PAFAH1B1: variants seen among roughly 807,000 people sequenced by gnomAD.
PAFAH1B1 encodes the protein platelet-activating factor acetylhydrolase IB subunit beta.
PAFAH1B1 carries 2 observed loss-of-function variants against 57.5 expected under a neutral mutation model. That is an observed-to-expected ratio of 0.03 (90% CI 0.01 to 0.11). The LOEUF (loss-of-function observed/expected upper bound fraction) is 0.11, where lower values mean the gene tolerates loss of function less well. Among genes scored for constraint, PAFAH1B1 ranks in the 10% least tolerant of loss-of-function variants. The probability of loss-of-function intolerance (pLI) is 1.00; values close to 1 mark genes in which losing one functional copy is unlikely to be tolerated. For missense variants in PAFAH1B1, 257 were observed against 512.0 expected (o/e 0.50, Z 4.81); for synonymous variants, 152 against 169.6 (o/e 0.90, Z 0.81).
At chr17:2,667,267 G>C in intron 5 of PAFAH1B1, 69 bp downstream of exon 5, 1 of 1,197,678 alleles carries the variant, frequency 8.3e-7, no homozygotes, top group Non-Finnish European at 1.2e-6. Context: ...CCGGGAGGCG[G>C]AGTTTGCAGT....
Position 2,665,354 on chromosome 17 carries a change from T to C in PAFAH1B1, c.33-18T>C. The C allele has an allele frequency of 4.1e-6, 6 of 1,464,734 alleles. No individual in the cohort carries two copies. In the South Asian group the frequency reaches 6.8e-5, roughly 17 times the overall value. The allele number at this position is 1,464,734 out of a possible 1,614,324, so 90.7% of individuals were successfully genotyped here. A position where few individuals can be genotyped will look rare whatever the true frequency, so the allele number is the denominator to read the frequency against. On this transcript the variant is annotated intron_variant, in intron 2 of 10. Coordinates refer to ENST00000397195, the MANE Select transcript of PAFAH1B1 (RefSeq NM_000430.4). Reference sequence around the variant, plus strand: ...AATGAGGTCTTTTTTTTAGGAGTCATTTGAATTTTTCTTTCAGAAATCGAG... The same window carrying C: ...AATGAGGTCTTTTTTTTAGGAGTCACTTGAATTTTTCTTTCAGAAATCGAG...
At chr17:2,600,162 T>G (rs1350364526) in intron 1 of PAFAH1B1, among the ~76,000 whole-genome samples, 1 of 151,896 alleles carries the variant, frequency 6.6e-6, no homozygotes, top group Non-Finnish European at 1.5e-5. Flanking sequence ...GTATTTTTAC[T>G]AAAGAACTCC....
intron 2 of PAFAH1B1, chr17:2,661,942 T>C (rs2069019992): frequency 6.7e-6 from 1 of 150,166 alleles, no homozygotes; most frequent in Non-Finnish European, 1.5e-5. Context: ...TCCCAGCTAC[T>C]CAGGAGGCTG....
chr17:2,671,643 C>A (rs2069185428), intron 6 of PAFAH1B1, among the ~76,000 whole-genome samples: 1 of 139,816 alleles, frequency 7.2e-6, no homozygotes, highest in South Asian at 2.4e-4. Context: ...TGCTTTGTCA[C>A]CCAAGCTGGA....
In PAFAH1B1 at chr17:2,670,291, A is replaced by T. The variant is rs767021387; in HGVS notation, c.528A>T (p.Leu176=). 6.2e-7 allele frequency: 1 copy of T among 1,614,164 alleles called. No individual in the cohort carries two copies. The highest frequency in any genetic ancestry group is 1.1e-5 in the South Asian group (1 of 91,088). Residue 176 remains leucine, a synonymous_variant, in exon 6 of 11, where the codon CTA becomes CTT. Transcript: ENST00000397195. ...ASCSADMTIK[L]WDFQGFECIR... is the part of the protein sequence containing the mutation. ...GTTCTGCAGATATGACCATTAAACTATGGGATTTTCAGGGCTTTGAATGCA... is the reference window on the plus strand; with the variant it reads ...GTTCTGCAGATATGACCATTAAACTTTGGGATTTTCAGGGCTTTGAATGCA...
intron 1 of PAFAH1B1, among the ~76,000 whole-genome samples, chr17:2,636,333 A>G (rs2068624649): frequency 6.6e-6 from 1 of 152,198 alleles, no homozygotes; most frequent in Non-Finnish European, 1.5e-5. Flanking sequence ...TAAGGATTAT[A>G]AAATAAATTC....
At position 2,666,101 on chromosome 17, in the gene PAFAH1B1, C is replaced by G. The variant is rs1284349075; in HGVS notation, c.192+11C>G. 3 of 1,479,380 alleles carry G rather than the reference C, an allele frequency of 2.0e-6. No individual in the cohort carries two copies. The highest frequency in any genetic ancestry group is 1.8e-6 in the Non-Finnish European group (2 of 1,082,086). The allele number at this position is 1,479,380 out of a possible 1,614,324, so 91.6% of individuals were successfully genotyped here. On this transcript the variant is annotated intron_variant, in intron 4 of 10. Coordinates refer to ENST00000397195, the MANE Select transcript of PAFAH1B1 (RefSeq NM_000430.4). ...AGATTACAAAAGAAGGTAACTAAGTCTTTTTTCTTTAAAATTAGTTGTATT... is the reference window on the plus strand; with the variant it reads ...AGATTACAAAAGAAGGTAACTAAGTGTTTTTTCTTTAAAATTAGTTGTATT...
At chr17:2,676,860 T>G (rs2069276302) in intron 9 of PAFAH1B1, among the ~76,000 whole-genome samples, 1 of 152,184 alleles carries the variant, frequency 6.6e-6, no homozygotes, top group Non-Finnish European at 1.5e-5. Context: ...CACTGTATCT[T>G]TAAAAATTGT....
intron 1 of PAFAH1B1, among the ~76,000 whole-genome samples, chr17:2,607,518 T>C (rs559007070): frequency 6.6e-6 from 1 of 150,808 alleles, no homozygotes; most frequent in South Asian, 2.1e-4. Flanking sequence ...GGAGTCCCGC[T>C]CTATCACCCA....
chr17:2,607,290 C>A, intron 1 of PAFAH1B1, among the ~76,000 whole-genome samples: 1 of 152,088 alleles, frequency 6.6e-6, no homozygotes. Context: ...TCCCCTCCCT[C>A]AGCCTCCTGA....
intron 2 of PAFAH1B1, among the ~76,000 whole-genome samples, chr17:2,645,316 G>C (rs1021658785): frequency 6.6e-6 from 1 of 152,028 alleles, no homozygotes; most frequent in Non-Finnish European, 1.5e-5. Context: ...GTAAATCTGG[G>C]GCCGGGTGCA....
rs140983206 is a variant in PAFAH1B1 at position 2,598,105 on chromosome 17, C to T, written c.-191+4099C>T. ...CTACTAAAAATACAAAAAAATTAGC[C>T]GGGCATGGTGGCGCACACCTGTAGT... On this transcript the variant is annotated intron_variant, in intron 1 of 10. Coordinates refer to ENST00000397195, the MANE Select transcript of PAFAH1B1 (RefSeq NM_000430.4). Among the ~76,000 whole-genome samples the T allele has an allele frequency of 6.4e-3, 969 of 151,938 alleles. 14 individuals are homozygous for T. Among genetic ancestry groups the T allele is most frequent in the African/African-American group, 0.022 (931 of 41,420 alleles).
At chr17:2,635,305 G>A (rs186287010) in intron 1 of PAFAH1B1, 2 of 152,202 alleles carry the variant, frequency 1.3e-5, no homozygotes, top group African/African-American at 4.8e-5. Flanking sequence ...AATGATTTAT[G>A]TATGTGTTTT....
intron 1 of PAFAH1B1, among the ~76,000 whole-genome samples, chr17:2,627,947 G>C (rs1018195409): frequency 6.6e-6 from 1 of 152,148 alleles, no homozygotes; most frequent in African/African-American, 2.4e-5. Context: ...AAACTTTGCC[G>C]AATTCTTTTA....
At chr17:2,656,436 C>A (rs1214595533) in intron 2 of PAFAH1B1, among the ~76,000 whole-genome samples, 1 of 151,618 alleles carries the variant, frequency 6.6e-6, no homozygotes, top group Non-Finnish European at 1.5e-5. Context: ...GGTGACAGAG[C>A]AAGACCTCAT....
intron 1 of PAFAH1B1, among the ~76,000 whole-genome samples, chr17:2,628,314 A>G (rs534121759): frequency 6.6e-6 from 1 of 152,122 alleles, no homozygotes; most frequent in Admixed American, 6.6e-5. Context: ...CGCTTTTTCT[A>G]CATCTATTGA....
intron 5 of PAFAH1B1, among the ~76,000 whole-genome samples, chr17:2,669,506 G>A (rs113119105): frequency 0.025 from 3,729 of 152,148 alleles, 165 homozygotes; most frequent in African/African-American, 0.085. Context: ...TGGTCCGCCC[G>A]CCTTGGCCTT....
chr17:2,604,955 G>A (rs7209407), intron 1 of PAFAH1B1, among the ~76,000 whole-genome samples: 47,756 of 152,042 alleles, frequency 0.31, 7,747 homozygotes, highest in Middle Eastern at 0.37. Context: ...GGTTGGAGAG[G>A]CACGTCTGAG....
chr17:2,672,008 C>T (rs2069190948), intron 6 of PAFAH1B1, among the ~76,000 whole-genome samples: 2 of 151,996 alleles, frequency 1.3e-5, no homozygotes, highest in Admixed American at 1.3e-4. Context: ...TGGCTCACAC[C>T]TATAATCTCA....
Sources: allele counts gnomAD v4.1 joint callset (sites outside exome capture counted in the v4.1 genomes callset), GRCh38; gene constraint gnomAD v4.1.1; transcripts MANE v1.5; gene names NCBI Gene and HGNC (gene_info 2026-07-23, HGNC 2026-07-21).